PRKAR1B: variants seen among roughly 807,000 people sequenced by gnomAD.
PRKAR1B encodes cAMP-dependent protein kinase type I-beta regulatory subunit.
A neutral mutation model predicts 46.5 loss-of-function variants in PRKAR1B; 22 were observed. The observed-to-expected ratio is 0.47, with a 90% confidence interval of 0.34 to 0.68. The LOEUF is 0.68. Among genes scored for constraint, PRKAR1B ranks in the 30% least tolerant of loss-of-function variants. The pLI is 0.01. For missense variants in PRKAR1B, 445 were observed against 535.6 expected (o/e 0.83, Z 1.67); for synonymous variants, 259 against 217.7 (o/e 1.19, Z -1.67).
At position 666,191 on chromosome 7, in the gene PRKAR1B, A is replaced by G. The variant is rs907505777; in HGVS notation, c.440+11038T>C. On this transcript the variant is annotated intron_variant, in intron 4 of 10. Coordinates refer to ENST00000537384, the MANE Select transcript of PRKAR1B (RefSeq NM_001164760.2). The surrounding 1 kb of genome is among the most constrained non-coding windows in gnomAD (Gnocchi z 4.9). ...CCGGGAAGGGACCGGGATAGAACCC[A>G]AGGGCCTCCACCTCACTCCCCAAGG... Among the ~76,000 whole-genome samples, 12 of 152,110 alleles carry G rather than the reference A, an allele frequency of 7.9e-5. No homozygotes were observed. Among genetic ancestry groups the G allele is most frequent in the African/African-American group, 2.7e-4 (11 of 41,400 alleles).
At chr7:590,365 C>G (rs112315876) in intron 7 of PRKAR1B, among the ~76,000 whole-genome samples, 131 of 152,350 alleles carry the variant, frequency 8.6e-4, no homozygotes, top group African/African-American at 3.0e-3. Context: ...CTGGTGGGCA[C>G]AGCTGGGTGC....
intron 4 of PRKAR1B, among the ~76,000 whole-genome samples, chr7:610,541 C>T (rs1313747756): frequency 6.6e-6 from 1 of 152,174 alleles, no homozygotes; most frequent in Non-Finnish European, 1.5e-5. Flanking sequence ...CTGGGAGCCC[C>T]ATTTTTCTTC....
chr7:671,360 G>A (rs1447375539), intron 4 of PRKAR1B, among the ~76,000 whole-genome samples: 2 of 152,228 alleles, frequency 1.3e-5, no homozygotes, highest in Non-Finnish European at 1.5e-5. Context: ...CAAGAGGAAC[G>A]AGCCATGCAG....
chr7:572,477 A>G (rs1006937264), intron 9 of PRKAR1B, among the ~76,000 whole-genome samples: 8 of 152,202 alleles, frequency 5.3e-5, no homozygotes, highest in Admixed American at 3.9e-4. Flanking sequence ...CTGCCTTCCC[A>G]GCTGCCTCCA....
At chr7:685,265 TATAC>T (rs1312139784) in intron 2 of PRKAR1B, among the ~76,000 whole-genome samples, 4 of 28,476 alleles carry the variant, frequency 1.4e-4, no homozygotes, top group Non-Finnish European at 6.1e-5. Flanking sequence ...TATATACATA[TATAC>T]GTATATATAC....
intron 4 of PRKAR1B, among the ~76,000 whole-genome samples, chr7:617,182 C>A (rs1446461985): frequency 6.6e-6 from 1 of 151,872 alleles, no homozygotes; most frequent in Admixed American, 6.6e-5. Context: ...TCAGTAGAGA[C>A]AGGGGTTTCA....
chr7:550,601 C>T lies in PRKAR1B; in HGVS notation c.975G>A (p.Gly325=), dbSNP rs1784119598. 7 of 1,559,198 alleles carry T rather than the reference C, an allele frequency of 4.5e-6. No homozygotes were observed. The highest frequency in any genetic ancestry group is 4.3e-6 in the Non-Finnish European group (5 of 1,157,320). Residue 325 remains glycine, a splice_region_variant and synonymous_variant, in exon 11 of 11, where the codon GGG becomes GGA. Coordinates refer to ENST00000537384, the MANE Select transcript of PRKAR1B (RefSeq NM_001164760.2). ...GCCGGTTCAGCAGCAGTGCAATCTC[C>T]CCTGGGGGTTGAAGAGAGAGGTCAG... ...VGRLGPSDYF[G]EIALLLNRPR...
intron 4 of PRKAR1B, among the ~76,000 whole-genome samples, chr7:638,596 G>A (rs1303057837): frequency 2.0e-5 from 3 of 152,148 alleles, no homozygotes; most frequent in Non-Finnish European, 2.9e-5. Context: ...TGTCTTCCTC[G>A]TAATGACATT....
chr7:646,030 A>G (rs1324093254), intron 4 of PRKAR1B, among the ~76,000 whole-genome samples: 1 of 152,068 alleles, frequency 6.6e-6, no homozygotes, highest in African/African-American at 2.4e-5. Context: ...CATGTTGCTC[A>G]GTAACCCCAA....
At chr7:654,998 GA>G (rs1326771385) in intron 4 of PRKAR1B, among the ~76,000 whole-genome samples, 13 of 152,120 alleles carry the variant, frequency 8.5e-5, no homozygotes, top group Non-Finnish European at 1.3e-4. Context: ...CCTTTCTTTA[GA>G]ATCAACTAAC....
At position 593,018 on chromosome 7, in the gene PRKAR1B, A is replaced by C. The variant is rs1301856797; in HGVS notation, c.708+3128T>G. On this transcript the variant is annotated intron_variant, in intron 7 of 10. Coordinates refer to ENST00000537384, the MANE Select transcript of PRKAR1B (RefSeq NM_001164760.2). The surrounding 1 kb of genome is among the most constrained non-coding windows in gnomAD (Gnocchi z 6.1). Reference sequence around the variant, plus strand: ...GCCACTGCACTCCATCCTGGGTGACAGTGAGACATTGTTTCAAAAAAATTA... The same window carrying C: ...GCCACTGCACTCCATCCTGGGTGACCGTGAGACATTGTTTCAAAAAAATTA... Among the ~76,000 whole-genome samples, 1 of 152,244 alleles carries C rather than the reference A, an allele frequency of 6.6e-6. No individual in the cohort carries two copies. The highest frequency in any genetic ancestry group is 1.5e-5 in the Non-Finnish European group (1 of 68,050).
At position 556,649 on chromosome 7, in the gene PRKAR1B, C is replaced by T. The variant is rs188856787; in HGVS notation, c.892-5179G>A. Among the ~76,000 whole-genome samples, 62 of 152,320 alleles carry T rather than the reference C, an allele frequency of 4.1e-4. No individual in the cohort carries two copies. The East Asian group carries it at 9.3e-3, about 23-fold the overall frequency. On this transcript the variant is annotated intron_variant, in intron 9 of 10. Transcript: ENST00000537384. ...ATCCCTCCCGGAAGGGGCTGTGGCGCGGCTGGACAGGAGGGGCCGAGGCCA... is the reference window on the plus strand; with the variant it reads ...ATCCCTCCCGGAAGGGGCTGTGGCGTGGCTGGACAGGAGGGGCCGAGGCCA...
intron 8 of PRKAR1B, among the ~76,000 whole-genome samples, chr7:582,575 C>A (rs530297556): frequency 6.6e-6 from 1 of 152,268 alleles, no homozygotes; most frequent in African/African-American, 2.4e-5. Flanking sequence ...ACGGAGGCCA[C>A]GCGGCCAGGG....
chr7:675,024 C>T (rs1422697388), intron 4 of PRKAR1B, among the ~76,000 whole-genome samples: 2 of 152,180 alleles, frequency 1.3e-5, no homozygotes, highest in African/African-American at 2.4e-5. Context: ...CAACACCCAT[C>T]GGGATCTTCA....
chr7:670,929 C>T (rs564667257), intron 4 of PRKAR1B, among the ~76,000 whole-genome samples: 2 of 152,370 alleles, frequency 1.3e-5, no homozygotes, highest in Non-Finnish European at 2.9e-5. Context: ...CCCCAGATAC[C>T]GGAGATGATC....
chr7:596,135 C>T lies in PRKAR1B; in HGVS notation c.708+11G>A. On this transcript the variant is annotated intron_variant, in intron 7 of 10. Transcript: ENST00000537384. ...GGTGTTGGCCTTCTCTGTGCTTGGG[C>T]ACCAACTCACCATAAGGATGCGCCG... 2 of 1,609,380 alleles carry T rather than the reference C, an allele frequency of 1.2e-6. No individual in the cohort carries two copies. Among genetic ancestry groups the T allele is most frequent in the African/African-American group, 1.3e-5 (1 of 74,978 alleles).
chr7:626,813 C>T (rs1421204703), intron 4 of PRKAR1B, among the ~76,000 whole-genome samples: 7 of 152,106 alleles, frequency 4.6e-5, no homozygotes, highest in East Asian at 3.9e-4. Flanking sequence ...TGGACACGAG[C>T]GGTCCTCCCG....
At position 636,411 on chromosome 7, in the gene PRKAR1B, GCCGCGCCCAC is replaced by G. The variant is rs1562579341; in HGVS notation, c.441-28969_441-28960del. On this transcript the variant is annotated intron_variant, in intron 4 of 10. Transcript: ENST00000537384. ...GGCCGCGCCCTCACGTCCTCCACCG[GCCGCGCCCAC>G]ACGTCCTCCACCGGCCGCGCCCTCA... 4.2e-3 allele frequency among the ~76,000 whole-genome samples: 364 copies of G among 86,336 alleles called. 18 individuals carry two copies. The highest frequency in any genetic ancestry group is 0.019 in the Middle Eastern group (3 of 162). The allele number at this position is 86,336 out of a possible 152,430, so 56.6% of individuals were successfully genotyped here.
rs1424325672 is a variant in PRKAR1B, at chr7:588,608, G to T, written c.709-4040C>A. ...CAGTGGTGATGACGGTGGTGATGGT[G>T]ATGGTGGTGATGGTGATGGTGGTGA... is the stretch of plus-strand genomic sequence containing the variant. On this transcript the variant is annotated intron_variant, in intron 7 of 10. Coordinates refer to ENST00000537384, the MANE Select transcript of PRKAR1B (RefSeq NM_001164760.2). Among the ~76,000 whole-genome samples, 29 of 142,274 alleles carry T rather than the reference G, an allele frequency of 2.0e-4. No individual in the cohort carries two copies. The East Asian group carries it at 3.6e-3, about 18-fold the overall frequency. The allele number at this position is 142,274 out of a possible 152,430, so 93.3% of individuals were successfully genotyped here. A position where few individuals can be genotyped will look rare whatever the true frequency, so the allele number is the denominator to read the frequency against.
Sources: gnomAD v4.1 joint callset for allele counts (sites outside exome capture counted in the v4.1 genomes callset) on GRCh38, gnomAD v4.1.1 for gene constraint, Gnocchi (gnomAD v3.1) non-coding constraint, MANE v1.5 for transcripts, NCBI Gene and HGNC (gene_info 2026-07-23, HGNC 2026-07-21) for gene names.